MYO5A: variants seen among roughly 807,000 people sequenced by gnomAD.
MYO5A encodes unconventional myosin-Va.
Under a neutral mutation model 249.7 loss-of-function variants are expected in MYO5A, and 98 were observed. The ratio of observed to expected loss-of-function variants is 0.39; its 90% CI spans 0.33 to 0.46. The LOEUF (loss-of-function observed/expected upper bound fraction) is 0.46. MYO5A is among the 20% of genes least tolerant of loss of function. The probability of loss-of-function intolerance (pLI) is 0.98; values close to 1 mark genes in which losing one functional copy is unlikely to be tolerated. For missense variants in MYO5A, 1,696 were observed against 2,308.8 expected (o/e 0.73, Z 5.44); for synonymous variants, 778 against 810.6 (o/e 0.96, Z 0.68).
At chr15:52,436,497 A>G (rs897205333) in intron 1 of MYO5A, among the ~76,000 whole-genome samples, 1 of 152,150 alleles carries the variant, frequency 6.6e-6, no homozygotes, top group African/African-American at 2.4e-5. Context: ...GCCTTCCCAG[A>G]CCTTTCTAGC....
intron 4 of MYO5A, among the ~76,000 whole-genome samples, chr15:52,416,514 A>G (rs1214819557): frequency 2.0e-5 from 3 of 151,882 alleles, no homozygotes; most frequent in Non-Finnish European, 4.4e-5. Context: ...GGAATCAGAG[A>G]GACCGATGGG....
chr15:52,505,347 A>G, intron 1 of MYO5A: 7 of 778,298 alleles, frequency 9.0e-6, no homozygotes, highest in South Asian at 1.3e-5. Context: ...GTCATGCTCT[A>G]TGTTGGTATA....
At chr15:52,410,869 C>T (rs2043218159) in intron 5 of MYO5A, among the ~76,000 whole-genome samples, 1 of 152,232 alleles carries the variant, frequency 6.6e-6, no homozygotes, top group Non-Finnish European at 1.5e-5. Context: ...AGCCACCACA[C>T]CTGGCCAAAA....
intron 1 of MYO5A, among the ~76,000 whole-genome samples, chr15:52,526,699 C>T (rs2141679811): frequency 6.6e-6 from 1 of 152,180 alleles, no homozygotes; most frequent in Middle Eastern, 3.4e-3. Flanking sequence ...CATTATGTTC[C>T]TCAGGCTGTT....
chr15:52,461,621 T>C (rs2076249724), intron 1 of MYO5A, among the ~76,000 whole-genome samples: 5 of 152,212 alleles, frequency 3.3e-5, no homozygotes, highest in Admixed American at 3.3e-4. Context: ...TGCTATCTAT[T>C]CCTCTCCCCA....
intron 14 of MYO5A, 71 bp downstream of exon 14, chr15:52,387,758 A>AATCATTTTTATTGTTAAAAAG: frequency 8.2e-7 from 1 of 1,212,352 alleles, no homozygotes; most frequent in Non-Finnish European, 1.2e-6. Context: ...TTGTTAAAAA[A>AATCATTTTTATTGTTAAAAAG]ATCATTTTTA....
At chr15:52,331,167 T>C (rs992116868) in intron 34 of MYO5A, among the ~76,000 whole-genome samples, 4 of 152,212 alleles carry the variant, frequency 2.6e-5, no homozygotes, top group African/African-American at 9.7e-5. Flanking sequence ...TATCTCTATG[T>C]AGTATGATTT....
At chr15:52,524,071 C>T (rs557220593) in intron 1 of MYO5A, among the ~76,000 whole-genome samples, 2 of 152,298 alleles carry the variant, frequency 1.3e-5, no homozygotes, top group South Asian at 2.1e-4. Context: ...TACACATATA[C>T]AATCTACTGA....
chr15:52,380,513 A>C (rs1009990502), intron 16 of MYO5A, among the ~76,000 whole-genome samples: 2 of 152,062 alleles, frequency 1.3e-5, no homozygotes, highest in South Asian at 4.1e-4. Context: ...CACGCCTGTA[A>C]TCCCAGCACT....
intron 1 of MYO5A, among the ~76,000 whole-genome samples, chr15:52,501,677 GT>G (rs927404737): frequency 3.9e-5 from 6 of 151,948 alleles, no homozygotes; most frequent in East Asian, 1.9e-4. Flanking sequence ...GAAAATATTT[GT>G]TTTTTTCTGA....
intron 13 of MYO5A, 106 bp downstream of exon 13, chr15:52,389,131 TA>T: frequency 8.2e-7 from 1 of 1,226,130 alleles, no homozygotes. Context: ...CCTTGAGCCC[TA>T]AAGAATGCAA....
chr15:52,355,314 T>C (rs2040162993), intron 25 of MYO5A, among the ~76,000 whole-genome samples: 1 of 152,006 alleles, frequency 6.6e-6, no homozygotes, highest in South Asian at 2.1e-4. Context: ...TCAAAAATAT[T>C]CCCCCCCAAA....
intron 2 of MYO5A, among the ~76,000 whole-genome samples, chr15:52,430,879 T>C (rs966202261): frequency 4.6e-5 from 7 of 152,050 alleles, no homozygotes; most frequent in Non-Finnish European, 1.0e-4. Flanking sequence ...AGAATGAACC[T>C]GGTGGCATTG....
rs2037834300 is a variant in MYO5A, at chr15:52,313,005, G to A, written c.*691C>T. The A allele has an allele frequency of 1.3e-5, 2 of 152,674 alleles. No individual in the cohort carries two copies. The highest frequency in any genetic ancestry group is 4.8e-5 in the African/African-American group (2 of 41,460). The allele number at this position is 152,674 out of a possible 1,614,324, so 9.5% of individuals were successfully genotyped here. On this transcript the variant is annotated 3_prime_UTR_variant, in exon 42 of 42. Coordinates refer to ENST00000399233, the MANE Select transcript of MYO5A (RefSeq NM_001382347.1). ...ATTGAATTGTAAACAGAATTGACAA[G>A]AGAAACTTATTGTAGTGCCTAATAT...
chr15:52,503,209 AAAC>A (rs2077193946), intron 1 of MYO5A, among the ~76,000 whole-genome samples: 1 of 152,260 alleles, frequency 6.6e-6, no homozygotes, highest in African/African-American at 2.4e-5. Flanking sequence ...CATAAAGAAA[AAAC>A]AAATAGGGAA....
At chr15:52,505,479 T>C in intron 1 of MYO5A, 2 of 1,085,382 alleles carry the variant, frequency 1.8e-6, no homozygotes, top group Non-Finnish European at 2.9e-6. Flanking sequence ...ATAGTAAAGA[T>C]GATGATGACA....
chr15:52,391,708 T>C (rs545971708), intron 12 of MYO5A, among the ~76,000 whole-genome samples: 3 of 152,332 alleles, frequency 2.0e-5, no homozygotes, highest in East Asian at 3.9e-4. Flanking sequence ...CAATTTTTCA[T>C]GTAATTTAGA....
chr15:52,348,431 G>A (rs28660682), intron 29 of MYO5A, among the ~76,000 whole-genome samples: 8,214 of 152,166 alleles, frequency 0.054, 638 homozygotes, highest in African/African-American at 0.18. Flanking sequence ...AGCTCCTCAG[G>A]CTCCCCTTCA....
intron 1 of MYO5A, among the ~76,000 whole-genome samples, chr15:52,527,218 A>T (rs1259081817): frequency 2.0e-5 from 3 of 152,200 alleles, no homozygotes; most frequent in African/African-American, 7.2e-5. Flanking sequence ...TTCATGTGAA[A>T]ATGATTTTGA....
Sources: allele counts gnomAD v4.1 joint callset (sites outside exome capture counted in the v4.1 genomes callset), GRCh38; gene constraint gnomAD v4.1.1; transcripts MANE v1.5; gene names NCBI Gene and HGNC (gene_info 2026-07-23, HGNC 2026-07-21).